The following PTPRN2 variants were observed in gnomAD, a reference collection of about 807,000 sequenced individuals.
PTPRN2 encodes the protein receptor-type tyrosine-protein phosphatase N2.
Under a neutral mutation model 118.8 loss-of-function variants are expected in PTPRN2, and 74 were observed. That is an observed-to-expected ratio of 0.62 (90% CI 0.52 to 0.76). PTPRN2 has a LOEUF of 0.76. Ranked by LOEUF, PTPRN2 falls within the 30% of genes least tolerant of loss-of-function variation. The pLI is 0.00. For synonymous variants in PTPRN2, 641 were observed against 608.0 expected, an observed-to-expected ratio of 1.05 and a Z score of -0.80; for missense variants, 1,481 against 1,394.4, an observed-to-expected ratio of 1.06 and a Z score of -0.99.
chr7:158,146,154 G>A (rs1819962488), intron 6 of PTPRN2, among the ~76,000 whole-genome samples: 1 of 152,162 alleles, frequency 6.6e-6, no homozygotes, highest in African/African-American at 2.4e-5. Context: ...TGAGAAGTGA[G>A]GAACACAGTC....
chr7:158,039,064 G>A (rs1211645106), intron 11 of PTPRN2, among the ~76,000 whole-genome samples: 1 of 152,044 alleles, frequency 6.6e-6, no homozygotes, highest in Non-Finnish European at 1.5e-5. Context: ...TTATATTGTG[G>A]GGAAATAGAA....
chr7:157,992,800 G>A (rs985073506), intron 11 of PTPRN2, among the ~76,000 whole-genome samples: 27 of 152,226 alleles, frequency 1.8e-4, no homozygotes, highest in East Asian at 7.7e-4. Context: ...CACTGCCCAC[G>A]CCTAAATCTA....
At chr7:158,096,994 G>A (rs943625080) in intron 10 of PTPRN2, among the ~76,000 whole-genome samples, 3 of 152,112 alleles carry the variant, frequency 2.0e-5, no homozygotes, top group African/African-American at 7.2e-5. Context: ...ATTATCCAGG[G>A]CTTTATAGTC....
intron 2 of PTPRN2, among the ~76,000 whole-genome samples, chr7:158,463,381 C>T (rs959955071): frequency 3.3e-5 from 5 of 151,780 alleles, no homozygotes; most frequent in African/African-American, 1.2e-4. Flanking sequence ...ATCTCATCAT[C>T]ATTATCATTA....
intron 2 of PTPRN2, among the ~76,000 whole-genome samples, chr7:158,432,024 T>G (rs949717302): frequency 6.6e-6 from 1 of 152,136 alleles, no homozygotes; most frequent in Non-Finnish European, 1.5e-5. Context: ...TCCAATCCAC[T>G]CTAACAGGAT....
chr7:157,873,378 C>T (rs920724797), intron 12 of PTPRN2, among the ~76,000 whole-genome samples: 12 of 152,234 alleles, frequency 7.9e-5, no homozygotes, highest in Admixed American at 1.3e-4. Flanking sequence ...GAGAAACCCC[C>T]GGAGGGCCGC....
At chr7:158,245,215 T>G in intron 3 of PTPRN2, among the ~76,000 whole-genome samples, 1 of 98,660 alleles carries the variant, frequency 1.0e-5, no homozygotes, top group Non-Finnish European at 2.2e-5. Context: ...TCCACGGTCA[T>G]GCCGGAACCC....
intron 2 of PTPRN2, among the ~76,000 whole-genome samples, chr7:158,409,682 C>T (rs1051215927): frequency 6.6e-6 from 1 of 152,188 alleles, no homozygotes. Flanking sequence ...AAAACCTCCA[C>T]TGGCTTTCAA....
chr7:157,915,485 G>A, intron 11 of PTPRN2, among the ~76,000 whole-genome samples: 1 of 122,504 alleles, frequency 8.2e-6, no homozygotes, highest in East Asian at 2.8e-4. Flanking sequence ...TCCAGGAACA[G>A]CGCTGAACGC....
intron 12 of PTPRN2, among the ~76,000 whole-genome samples, chr7:157,772,324 C>CAT (rs1324122618): frequency 8.2e-6 from 1 of 121,464 alleles, no homozygotes; most frequent in East Asian, 2.5e-4. Flanking sequence ...TAGACACAGA[C>CAT]ACACACATAC....
chr7:158,523,514 G>A (rs371248461), intron 1 of PTPRN2, among the ~76,000 whole-genome samples: 30 of 79,668 alleles, frequency 3.8e-4, no homozygotes, highest in East Asian at 1.4e-3. Flanking sequence ...GAGTGGAGTC[G>A]TCTGCCCTGG....
intron 3 of PTPRN2, among the ~76,000 whole-genome samples, chr7:158,246,343 T>G (rs1585966589): frequency 1.3e-5 from 2 of 148,506 alleles, no homozygotes; most frequent in African/African-American, 5.0e-5. Context: ...TCCTGGGAGG[T>G]GAGAGATGGA....
chr7:158,468,321 T>C (rs1050076193), intron 2 of PTPRN2, among the ~76,000 whole-genome samples: 2 of 152,232 alleles, frequency 1.3e-5, no homozygotes, highest in African/African-American at 4.8e-5. Flanking sequence ...CACCGCACCT[T>C]TGGCTTTGTT....
At chr7:158,151,901 C>CA (rs1243287791) in intron 6 of PTPRN2, among the ~76,000 whole-genome samples, 1 of 152,066 alleles carries the variant, frequency 6.6e-6, no homozygotes, top group Non-Finnish European at 1.5e-5. Flanking sequence ...CGGCCGGGCG[C>CA]GGTGGCTCAC....
intron 11 of PTPRN2, among the ~76,000 whole-genome samples, chr7:158,016,775 G>GT (rs575487863): frequency 4.6e-5 from 7 of 152,174 alleles, no homozygotes; most frequent in African/African-American, 1.2e-4. Flanking sequence ...TACCAATTAG[G>GT]TTTTTTTTAT....
intron 12 of PTPRN2, among the ~76,000 whole-genome samples, chr7:157,719,706 G>T (rs150928286): frequency 1.3e-5 from 2 of 152,174 alleles, no homozygotes; most frequent in African/African-American, 4.8e-5. Flanking sequence ...CTCGGCCCGC[G>T]GGACAAGGCT....
intron 2 of PTPRN2, among the ~76,000 whole-genome samples, chr7:158,333,853 C>T (rs913002276): frequency 0.051 from 4,459 of 86,964 alleles, 1 homozygote; most frequent in African/African-American, 0.1. Flanking sequence ...AGAGCTGACA[C>T]CCGCAGACGT....
chr7:158,183,251 T>C (rs568685051), intron 5 of PTPRN2, among the ~76,000 whole-genome samples: 63 of 152,344 alleles, frequency 4.1e-4, no homozygotes, highest in African/African-American at 1.4e-3. Flanking sequence ...TACCAATCTG[T>C]TATCTTTTAA....
At chr7:158,449,515 C>A (rs1053365932) in intron 2 of PTPRN2, among the ~76,000 whole-genome samples, 4 of 150,052 alleles carry the variant, frequency 2.7e-5, no homozygotes, top group Non-Finnish European at 5.9e-5. Flanking sequence ...AAGCAAGACA[C>A]ACAGCGCGGG....
Sources: gnomAD v4.1 joint callset for allele counts (sites outside exome capture counted in the v4.1 genomes callset) on GRCh38, gnomAD v4.1.1 for gene constraint, MANE v1.5 for transcripts, NCBI Gene and HGNC (gene_info 2026-07-23, HGNC 2026-07-21) for gene names.